Variants in NFRKB observed in about 807,000 individuals in gnomAD.
NFRKB encodes nuclear factor related to kappaB binding protein, also known as nuclear factor related to kappa-B-binding protein.
Under a neutral mutation model 135.7 loss-of-function variants are expected in NFRKB, and 62 were observed. That is an observed-to-expected ratio of 0.46 (90% CI 0.37 to 0.56). NFRKB has a LOEUF of 0.56. NFRKB is among the 20% of genes least tolerant of loss of function. The probability of loss-of-function intolerance (pLI) is 0.00; values close to 1 mark genes in which losing one functional copy is unlikely to be tolerated. For missense variants in NFRKB, 1,545 were observed against 1,662.0 expected (o/e 0.93, Z 1.22); for synonymous variants, 678 against 635.6 (o/e 1.07, Z -1.00).
chr11:129,872,195 C>T (rs1409229210), intron 23 of NFRKB, among the ~76,000 whole-genome samples: 4 of 152,180 alleles, frequency 2.6e-5, no homozygotes, highest in Non-Finnish European at 5.9e-5. Flanking sequence ...CTATCTCATA[C>T]TGAGGTACTC....
rs570494200 is a variant in NFRKB at position 129,894,349 on chromosome 11, C to T, written c.-22+10G>A. 2.0e-5 allele frequency: 3 copies of T among 152,374 alleles called. No individual in the cohort carries two copies. The South Asian group carries it at 6.2e-4, about 32-fold the overall frequency. 9.4% of individuals were successfully genotyped at this position (152,374 alleles called of 1,614,324 possible). On this transcript the variant is annotated intron_variant, in intron 2 of 26. Coordinates refer to ENST00000682444, the MANE Select transcript of NFRKB (RefSeq NM_001143835.2). ...CACATTCCACAAACACCACATTCCACAAATCTTACCACGCCAGGTGTCAAT... is the reference window on the plus strand; with the variant it reads ...CACATTCCACAAACACCACATTCCATAAATCTTACCACGCCAGGTGTCAAT...
At position 129,881,436 on chromosome 11, in the gene NFRKB, C is replaced by A; in HGVS notation, c.1384+7G>T. 1.2e-6 allele frequency: 2 copies of A among 1,613,778 alleles called. No homozygotes were observed. The highest frequency in any genetic ancestry group is 1.1e-5 in the South Asian group (1 of 91,038). On this transcript the variant is annotated splice_region_variant and intron_variant, in intron 13 of 26. Coordinates refer to ENST00000682444, the MANE Select transcript of NFRKB (RefSeq NM_001143835.2). The stretch of plus-strand genomic sequence containing the variant: ...ACCTGTTGGGGTAGGTAATACGGAT[C>A]ACTTACCAAGCAACTTCCACTGCTG...
intron 22 of NFRKB, among the ~76,000 whole-genome samples, chr11:129,873,424 A>G (rs1428142759): frequency 6.6e-6 from 1 of 152,246 alleles, no homozygotes; most frequent in Non-Finnish European, 1.5e-5. Flanking sequence ...GGCGTAGCTA[A>G]GACTAGAGGC....
At chr11:129,869,355 G>A (rs780930156) in intron 24 of NFRKB, 139 bp downstream of exon 24, 17 of 873,676 alleles carry the variant, frequency 1.9e-5, no homozygotes, top group East Asian at 2.7e-5. Context: ...TGGGGTAAAC[G>A]AGGTGCTTTT....
chr11:129,885,575 G>A lies in NFRKB; in HGVS notation c.500C>T (p.Ala167Val). Residue 167 changes from alanine to valine, a missense_variant, in exon 6 of 27, where the codon GCC becomes GTC. This residue lies in a region of NFRKB where 678 missense variants were observed against 646.7 expected (regional missense o/e 1.05). Coordinates refer to ENST00000682444, the MANE Select transcript of NFRKB (RefSeq NM_001143835.2). Reference sequence around the variant, plus strand: ...AGGGCGTTTCTGCCGGAAGGGAAGGGCGGGGCCACTCCGCCGGGCCATCTC... The same window carrying A: ...AGGGCGTTTCTGCCGGAAGGGAAGGACGGGGCCACTCCGCCGGGCCATCTC... Reference protein sequence around the residue: ...LLEMARRSGPALPFRQKRPSP... With the variant: ...LLEMARRSGPVLPFRQKRPSP... 1.2e-6 allele frequency: 2 copies of A among 1,613,148 alleles called. No homozygotes were observed. Among genetic ancestry groups the A allele is most frequent in the Non-Finnish European group, 1.7e-6 (2 of 1,179,226 alleles).
chr11:129,873,961 TG>T lies in NFRKB; in HGVS notation c.2333del (p.Pro778GlnfsTer17). 2 of 1,612,946 alleles carry T rather than the reference TG, an allele frequency of 1.2e-6. No individual in the cohort carries two copies. The highest frequency in any genetic ancestry group is 1.7e-6 in the Non-Finnish European group (2 of 1,179,986). ...TMPHLGTMLS[P>X]ASSQTAPSSQ... ...AACTGGGTGCAGTCTGGCTGGAAGCTGGGGAAAGCATTGTTCCCAGATGTGG... is the reference window on the plus strand; with the variant it reads ...AACTGGGTGCAGTCTGGCTGGAAGCTGGGAAAGCATTGTTCCCAGATGTGG... On this transcript the variant is annotated frameshift_variant, in exon 22 of 27. Transcript: ENST00000682444. LOFTEE classifies it high-confidence loss of function.
chr11:129,891,154 T>A (rs1469676101), intron 3 of NFRKB, among the ~76,000 whole-genome samples: 1 of 152,072 alleles, frequency 6.6e-6, no homozygotes, highest in Admixed American at 6.5e-5. Context: ...CTCAATATTA[T>A]CCTGCTGGGC....
intron 10 of NFRKB, 77 bp downstream of exon 10, chr11:129,882,374 A>G (rs1949071525): frequency 1.3e-6 from 2 of 1,505,528 alleles, no homozygotes; most frequent in East Asian, 4.5e-5. Flanking sequence ...CAGCTACGAC[A>G]AGCCCTAGGG....
intron 2 of NFRKB, 115 bp from the exon 3 acceptor site, chr11:129,892,985 T>G (rs1949625513): frequency 6.4e-7 from 1 of 1,554,622 alleles, no homozygotes; most frequent in East Asian, 2.3e-5. Context: ...ACCTTATCCT[T>G]GCACCCTAAT....
At chr11:129,865,650 T>A (rs923484890) in intron 25 of NFRKB, among the ~76,000 whole-genome samples, 1 of 152,236 alleles carries the variant, frequency 6.6e-6, no homozygotes, top group Admixed American at 6.5e-5. Flanking sequence ...TTCTCTACTT[T>A]ACAATGTATG....
chr11:129,874,638 G>A lies in NFRKB; in HGVS notation c.1979-58C>T, dbSNP rs1948678318. ...TTTAACCTTAGCAAACTAAAAAGAG[G>A]GGCTTTGTTAAAAACCAACACCTTG... On this transcript the variant is annotated intron_variant, in intron 19 of 26. Transcript: ENST00000682444. The surrounding 1 kb of genome is among the most constrained non-coding windows in gnomAD (Gnocchi z 4.5). 6.2e-7 allele frequency: 1 copy of A among 1,606,572 alleles called. No homozygotes were observed. The highest frequency in any genetic ancestry group is 1.1e-5 in the South Asian group (1 of 90,096).
In NFRKB at chr11:129,883,119, T is replaced by C; in HGVS notation, c.901+3A>G. On this transcript the variant is annotated splice_donor_region_variant and intron_variant, in intron 9 of 26. Coordinates refer to ENST00000682444, the MANE Select transcript of NFRKB (RefSeq NM_001143835.2). Reference sequence around the variant, plus strand: ...AGGCTCCTAGAGGGGCCCAGTCATTTACCTGCCAGAGAGCCCTTCCTGCCA... The same window carrying C: ...AGGCTCCTAGAGGGGCCCAGTCATTCACCTGCCAGAGAGCCCTTCCTGCCA... 6.2e-7 allele frequency: 1 copy of C among 1,614,022 alleles called. No homozygotes were observed. Among genetic ancestry groups the C allele is most frequent in the Non-Finnish European group, 8.5e-7 (1 of 1,179,894 alleles).
intron 17 of NFRKB, among the ~76,000 whole-genome samples, chr11:129,876,146 AGCTACT>A (rs1948756527): frequency 6.6e-6 from 1 of 152,254 alleles, no homozygotes; most frequent in Non-Finnish European, 1.5e-5. Context: ...CATATATTAC[AGCTACT>A]GCAGATAGCT....
intron 15 of NFRKB, 122 bp downstream of exon 15, chr11:129,878,187 G>T (rs557873701): frequency 2.1e-6 from 2 of 974,210 alleles, no homozygotes; most frequent in East Asian, 2.5e-5. Flanking sequence ...AGAACCAGGG[G>T]ACTCCTCAGA....
Position 129,881,840 on chromosome 11 carries a change from A to T in NFRKB, c.1205T>A (p.Val402Asp), listed in dbSNP as rs1949043290. The T allele has an allele frequency of 1.2e-6, 2 of 1,606,808 alleles. No homozygotes were observed. Among genetic ancestry groups the T allele is most frequent in the South Asian group, 2.2e-5 (2 of 89,726 alleles). The change falls in exon 12 of 27, where the codon GTT becomes GAT. Residue 402 changes from valine to aspartate, a missense_variant. Coordinates refer to ENST00000682444, the MANE Select transcript of NFRKB (RefSeq NM_001143835.2). Reference protein sequence around the residue: ...QASLPMLEERVLDWQSSPASS... With the variant: ...QASLPMLEERDLDWQSSPASS... ...GGCTGGCGATGACTGCCAATCCAAA[A>T]CTCGCTCCTCTAGCTGAGGGAAAGC...
At chr11:129,866,865 A>C (rs1177727361) in intron 24 of NFRKB, among the ~76,000 whole-genome samples, 1 of 152,194 alleles carries the variant, frequency 6.6e-6, no homozygotes, top group Non-Finnish European at 1.5e-5. Flanking sequence ...GCTAACACTA[A>C]GGAGATGGGC....
At position 129,884,840 on chromosome 11, in the gene NFRKB, C is replaced by G; in HGVS notation, c.647G>C (p.Ser216Thr). The G allele has an allele frequency of 6.2e-7, 1 of 1,614,216 alleles. No homozygotes were observed. Among genetic ancestry groups the G allele is most frequent in the Non-Finnish European group, 8.5e-7 (1 of 1,180,026 alleles). Residue 216 changes from serine to threonine, a missense_variant, in exon 7 of 27, where the codon AGC (serine) becomes ACC (threonine). Physicochemically the swap from Ser to Thr is moderately conservative, Grantham distance 58 (BLOSUM62 1). Coordinates refer to ENST00000682444, the MANE Select transcript of NFRKB (RefSeq NM_001143835.2). ...TALSSDEEDLSSWLPSSPARS... is the reference protein window; with the variant it reads ...TALSSDEEDLTSWLPSSPARS... ...TGCTGGAGAGCTCGGAAGCCATGAG[C>G]TGAGATCTTCAAAAGAAAATTGTTC...
intron 25 of NFRKB, among the ~76,000 whole-genome samples, chr11:129,865,403 C>T (rs558664708): frequency 2.3e-4 from 35 of 152,290 alleles, no homozygotes; most frequent in African/African-American, 7.2e-4. Flanking sequence ...CTGCAAGAAA[C>T]GCTCCCCCTA....
chr11:129,880,329 C>T (rs1948969292), intron 13 of NFRKB, among the ~76,000 whole-genome samples: 1 of 152,248 alleles, frequency 6.6e-6, no homozygotes, highest in African/African-American at 2.4e-5. Context: ...CCATGCCTCA[C>T]ACCATTCTCC....
Sources: gnomAD v4.1 joint callset for allele counts (sites outside exome capture counted in the v4.1 genomes callset) on GRCh38, gnomAD v4.1.1 for gene constraint, gnomAD v4.1.1 regional missense constraint, Gnocchi (gnomAD v3.1) non-coding constraint, MANE v1.5 for transcripts, NCBI Gene and HGNC (gene_info 2026-07-23, HGNC 2026-07-21) for gene names.